The following SLC2A9 variants were observed in gnomAD, a reference collection of about 807,000 sequenced individuals.
SLC2A9 encodes the protein solute carrier family 2 member 9.
A neutral mutation model predicts 50.6 loss-of-function variants in SLC2A9; 39 were observed. The ratio of observed to expected loss-of-function variants is 0.77; its 90% CI spans 0.60 to 1.01. SLC2A9 has a LOEUF of 1.01. Among genes scored for constraint, SLC2A9 ranks in the 50% least tolerant of loss-of-function variants. The pLI is 0.00. For missense variants in SLC2A9, 686 were observed against 677.6 expected, an observed-to-expected ratio of 1.01 and a Z score of -0.14; for synonymous variants, 324 against 276.9, an observed-to-expected ratio of 1.17 and a Z score of -1.69.
chr4:10,006,632 T>C (rs1025794552), intron 2 of SLC2A9: 4 of 152,084 alleles, frequency 2.6e-5, no homozygotes, highest in Non-Finnish European at 1.5e-5. Flanking sequence ...AGGCCTCCTG[T>C]GTAGAAAAGA....
rs201422078 is a variant in SLC2A9, at chr4:9,887,605, C to T, written c.1253G>A (p.Gly418Asp). The T allele has an allele frequency of 5.1e-6, 8 of 1,568,120 alleles. No homozygotes were observed. The highest frequency in any genetic ancestry group is 6.9e-6 in the Non-Finnish European group (8 of 1,156,076). The change falls in exon 10 of 12, where the codon GGC becomes GAC. Residue 418 changes from glycine to aspartate, a missense_variant. Gly to Asp is a moderately conservative substitution (Grantham distance 94). Transcript: ENST00000264784. ...APWVPYLSIV[G>D]ILAIIASFCS... ...GAAAGAGGCGATGATGGCCAGAATGCCCACGATACTCAGGTAGGGGACCCA... is the reference window on the plus strand; with the variant it reads ...GAAAGAGGCGATGATGGCCAGAATGTCCACGATACTCAGGTAGGGGACCCA...
intron 4 of SLC2A9, among the ~76,000 whole-genome samples, chr4:9,983,157 C>A (rs1047026585): frequency 6.6e-6 from 1 of 152,170 alleles, no homozygotes; most frequent in African/African-American, 2.4e-5. Context: ...TGTGAGCCAC[C>A]GTGCCCGGCC....
At chr4:10,016,529 C>T (rs6827754) in intron 2 of SLC2A9, among the ~76,000 whole-genome samples, 12 of 151,808 alleles carry the variant, frequency 7.9e-5, no homozygotes, top group Admixed American at 1.3e-4. Context: ...ATCTTAAGAA[C>T]GGTAAAGGCC....
intron 3 of SLC2A9, among the ~76,000 whole-genome samples, chr4:9,791,768 C>A (rs1285059526): frequency 6.6e-6 from 1 of 152,070 alleles, no homozygotes; most frequent in African/African-American, 2.4e-5. Flanking sequence ...CAGATGAGAC[C>A]ATAGCCTTAT....
At chr4:9,796,247 C>T (rs1453889231), downstream of SLC2A9, among the ~76,000 whole-genome samples, 3 of 152,210 alleles carry the variant, frequency 2.0e-5, no homozygotes, top group East Asian at 5.8e-4. Context: ...CATCGACACT[C>T]ATTTGAGGTT....
chr4:9,890,736 G>A (rs1737245256), intron 8 of SLC2A9, 25 bp from the exon 9 acceptor site: 2 of 1,587,950 alleles, frequency 1.3e-6, no homozygotes, highest in African/African-American at 1.3e-5. Flanking sequence ...AAGAGAGAGA[G>A]AGAGCTATTA....
intron 7 of SLC2A9, among the ~76,000 whole-genome samples, chr4:9,915,794 T>C (rs1407328480): frequency 2.0e-5 from 3 of 152,220 alleles, no homozygotes; most frequent in African/African-American, 4.8e-5. Context: ...GTCTCCACTT[T>C]TATGATTACA....
At chr4:9,859,479 C>A (rs1017279488) in intron 10 of SLC2A9, among the ~76,000 whole-genome samples, 5 of 152,222 alleles carry the variant, frequency 3.3e-5, no homozygotes, top group South Asian at 2.1e-4. Context: ...AAGTCATTCA[C>A]CTAATTTGTG....
At chr4:9,951,439 T>C (rs1363612539) in intron 5 of SLC2A9, among the ~76,000 whole-genome samples, 1 of 152,174 alleles carries the variant, frequency 6.6e-6, no homozygotes, top group African/African-American at 2.4e-5. Context: ...TTAACAAAAA[T>C]GTATTTTATT....
intron 11 of SLC2A9, among the ~76,000 whole-genome samples, chr4:9,830,204 T>G (rs1426809780): frequency 6.6e-6 from 1 of 152,156 alleles, no homozygotes; most frequent in Non-Finnish European, 1.5e-5. Flanking sequence ...TGAGATCAAG[T>G]CCTTTGCAGT....
At chr4:9,948,057 G>T (rs1349446291) in intron 5 of SLC2A9, among the ~76,000 whole-genome samples, 1 of 151,962 alleles carries the variant, frequency 6.6e-6, no homozygotes, top group Non-Finnish European at 1.5e-5. Context: ...ACAGCTGGTT[G>T]CCCCTCCCAC....
At chr4:9,794,668 TCA>T (rs1720369661), downstream of SLC2A9, among the ~76,000 whole-genome samples, 1 of 152,226 alleles carries the variant, frequency 6.6e-6, no homozygotes, top group South Asian at 2.1e-4. Flanking sequence ...AAAATAAAAC[TCA>T]CAGGCTCTGA....
At chr4:9,853,178 A>AG (rs1226920907) in intron 10 of SLC2A9, among the ~76,000 whole-genome samples, 3 of 150,654 alleles carry the variant, frequency 2.0e-5, no homozygotes, top group African/African-American at 7.3e-5. Context: ...TCCCTCTCAA[A>AG]AAAAAAAAAA....
rs1417359122 is a variant in SLC2A9 at position 9,852,426 on chromosome 4, G to A, written c.1292-17418C>T. On this transcript the variant is annotated intron_variant, in intron 10 of 11. Coordinates refer to ENST00000264784, the MANE Select transcript of SLC2A9 (RefSeq NM_020041.3). ...CGCCACCGCGCCCGGCTAATTTTTTGTATTTTTAGTAGAGACGGGGTTTCA... is the reference window on the plus strand; with the variant it reads ...CGCCACCGCGCCCGGCTAATTTTTTATATTTTTAGTAGAGACGGGGTTTCA... Among the ~76,000 whole-genome samples, 8 of 151,430 alleles carry A rather than the reference G, an allele frequency of 5.3e-5. No individual in the cohort carries two copies. In the East Asian group the frequency reaches 1.6e-3, roughly 29 times the overall value.
chr4:9,819,334 C>T (rs1724083744), intron 3 of SLC2A9, among the ~76,000 whole-genome samples: 3 of 152,136 alleles, frequency 2.0e-5, no homozygotes, highest in South Asian at 4.1e-4. Context: ...CAAATTCTTG[C>T]CAACACTTGG....
intron 5 of SLC2A9, among the ~76,000 whole-genome samples, chr4:9,971,584 A>G (rs2109012893): frequency 6.6e-6 from 1 of 152,338 alleles, no homozygotes. Flanking sequence ...TGTAGGACCA[A>G]CCAACAACGT....
At chr4:9,886,270 T>G (rs1434237434) in intron 10 of SLC2A9, among the ~76,000 whole-genome samples, 1 of 152,204 alleles carries the variant, frequency 6.6e-6, no homozygotes, top group Admixed American at 6.5e-5. Flanking sequence ...GATGTGAGGT[T>G]GTGATGCAGA....
chr4:9,785,436 G>T (rs1316809839), intron 3 of SLC2A9, among the ~76,000 whole-genome samples: 1 of 152,202 alleles, frequency 6.6e-6, no homozygotes, highest in Non-Finnish European at 1.5e-5. Context: ...CGTGAACCTT[G>T]TTTGGTGGAA....
chr4:9,955,361 G>A (rs1473026669), intron 5 of SLC2A9, among the ~76,000 whole-genome samples: 1 of 104,474 alleles, frequency 9.6e-6, no homozygotes, highest in African/African-American at 5.1e-5. Context: ...CGGGCGTGAT[G>A]GCGGGCGCCT....
Sources: gnomAD v4.1 joint callset for allele counts (sites outside exome capture counted in the v4.1 genomes callset) on GRCh38, gnomAD v4.1.1 for gene constraint, MANE v1.5 for transcripts, NCBI Gene and HGNC (gene_info 2026-07-23, HGNC 2026-07-21) for gene names.